The following COL21A1 variants were observed in gnomAD, a reference collection of about 807,000 sequenced individuals.
COL21A1 encodes collagen alpha-1(XXI) chain.
COL21A1 carries 149 observed loss-of-function variants against 137.9 expected under a neutral mutation model. That is an observed-to-expected ratio of 1.08 (90% CI 0.95 to 1.24). The LOEUF is 1.24. Ranked by LOEUF, COL21A1 falls within the 50% of genes most tolerant of loss-of-function variation. The pLI is 0.00. For synonymous variants in COL21A1, 456 were observed against 391.5 expected (o/e 1.16, Z -1.95); for missense variants, 1,167 against 1,158.4 (o/e 1.01, Z -0.11).
At chr6:56,157,435 C>T (rs1226242691) in intron 9 of COL21A1, among the ~76,000 whole-genome samples, 1 of 151,372 alleles carries the variant, frequency 6.6e-6, no homozygotes, top group Non-Finnish European at 1.5e-5. Context: ...CTCAGCCTCT[C>T]GAGTTGCTGG....
intron 16 of COL21A1, among the ~76,000 whole-genome samples, chr6:56,114,212 C>T (rs12194691): frequency 0.088 from 13,386 of 152,172 alleles, 648 homozygotes; most frequent in Middle Eastern, 0.13. Context: ...GGGCCTTGAA[C>T]GAACATAGGC....
Position 56,097,852 on chromosome 6 carries a change from T to TAA in COL21A1, c.1812+3619_1812+3620insTT, listed in dbSNP as rs1562188099. Among the ~76,000 whole-genome samples the TAA allele has an allele frequency of 2.0e-4, 20 of 100,582 alleles. 4 individuals carry two copies. The highest frequency in any genetic ancestry group is 3.4e-4 in the African/African-American group (8 of 23,444). 66.0% of individuals were successfully genotyped at this position (100,582 alleles called of 152,430 possible). On this transcript the variant is annotated intron_variant, in intron 17 of 29. Transcript: ENST00000244728. The stretch of plus-strand genomic sequence containing the variant: ...AAATATATATAAATATATAAATATA[T>TAA]ATAAATATATAAAAATATCTATAAA...
At chr6:56,286,674 T>G (rs1281522835) in intron 1 of COL21A1, among the ~76,000 whole-genome samples, 1 of 136,598 alleles carries the variant, frequency 7.3e-6, no homozygotes, top group East Asian at 2.0e-4. Flanking sequence ...TATTTTTGTC[T>G]TACTTACATT....
chr6:56,378,303 G>A (rs1239426864), intron 1 of COL21A1, among the ~76,000 whole-genome samples: 2 of 152,106 alleles, frequency 1.3e-5, no homozygotes, highest in African/African-American at 2.4e-5. Context: ...CTCAGCTCTT[G>A]GATGACATTT....
At chr6:56,256,098 G>C (rs921986312) in intron 1 of COL21A1, among the ~76,000 whole-genome samples, 2 of 152,152 alleles carry the variant, frequency 1.3e-5, no homozygotes, top group Admixed American at 6.5e-5. Flanking sequence ...TAGTTGAGAC[G>C]TTAGCCCATT....
intron 1 of COL21A1, among the ~76,000 whole-genome samples, chr6:56,255,865 G>A (rs755268355): frequency 6.6e-6 from 1 of 152,196 alleles, no homozygotes; most frequent in Admixed American, 6.5e-5. Context: ...CGCAGCCGCT[G>A]TCTGAGAGGA....
chr6:56,060,974 C>T lies in COL21A1; in HGVS notation c.2269G>A (p.Asp757Asn). Residue 757 changes from aspartate to asparagine, a missense_variant, in exon 26 of 30, where the codon GAT becomes AAT. Transcript: ENST00000244728. ...AIGSKGESGV[D>N]GLMGPAGPKG... is the part of the protein sequence containing the mutation. ...GGACCTGCGGGCCCCATCAAGCCATCCACCCCAGATTCTCCTTTTGATCCA... is the reference window on the plus strand; with the variant it reads ...GGACCTGCGGGCCCCATCAAGCCATTCACCCCAGATTCTCCTTTTGATCCA... 1.9e-6 allele frequency: 3 copies of T among 1,608,198 alleles called. No individual in the cohort carries two copies. Among genetic ancestry groups the T allele is most frequent in the Non-Finnish European group, 2.5e-6 (3 of 1,177,648 alleles).
chr6:56,363,790 C>T (rs1464935959), intron 1 of COL21A1, among the ~76,000 whole-genome samples: 1 of 152,056 alleles, frequency 6.6e-6, no homozygotes, highest in Non-Finnish European at 1.5e-5. Context: ...CCCCCCGACA[C>T]ATTCCCAAAC....
intron 1 of COL21A1, among the ~76,000 whole-genome samples, chr6:56,346,592 C>T (rs988733647): frequency 6.6e-6 from 1 of 152,276 alleles, no homozygotes; most frequent in Admixed American, 6.5e-5. Flanking sequence ...AGAAGCATAG[C>T]TTTCTTTATT....
chr6:56,091,703 C>T (rs1267920327), intron 17 of COL21A1: 1 of 152,358 alleles, frequency 6.6e-6, no homozygotes, highest in African/African-American at 2.4e-5. Flanking sequence ...CCAAATACAA[C>T]ATGCCATCAG....
chr6:56,225,659 A>G (rs995123332), intron 1 of COL21A1, among the ~76,000 whole-genome samples: 6 of 152,200 alleles, frequency 3.9e-5, no homozygotes, highest in African/African-American at 1.4e-4. Context: ...TGGCATAAAA[A>G]CAAAAGGATT....
intron 1 of COL21A1, among the ~76,000 whole-genome samples, chr6:56,255,237 G>C (rs906757772): frequency 3.3e-5 from 5 of 151,812 alleles, no homozygotes; most frequent in African/African-American, 1.2e-4. Flanking sequence ...CATAGGTAAT[G>C]GAATAAATGG....
chr6:56,207,556 C>T (rs1053019956), intron 1 of COL21A1, among the ~76,000 whole-genome samples: 1 of 152,058 alleles, frequency 6.6e-6, no homozygotes, highest in Non-Finnish European at 1.5e-5. Flanking sequence ...AGCCTACCAA[C>T]CAAAAAAGTC....
At chr6:56,295,119 T>A (rs111416992) in intron 1 of COL21A1, among the ~76,000 whole-genome samples, 4 of 152,110 alleles carry the variant, frequency 2.6e-5, no homozygotes, top group Non-Finnish European at 5.9e-5. Flanking sequence ...GGGTGCAAGG[T>A]CTGTGTTTGG....
At chr6:56,326,177 T>C (rs971488344) in intron 1 of COL21A1, among the ~76,000 whole-genome samples, 2 of 143,778 alleles carry the variant, frequency 1.4e-5, no homozygotes, top group Non-Finnish European at 3.1e-5. Context: ...TGTCTTTAAT[T>C]ATCAAAGTTC....
intron 1 of COL21A1, among the ~76,000 whole-genome samples, chr6:56,330,536 T>G (rs6924804): frequency 0.7 from 106,602 of 151,922 alleles, 37,740 homozygotes; most frequent in East Asian, 0.9. Flanking sequence ...GGATTTAGGG[T>G]TGCAAGGGCA....
intron 1 of COL21A1, among the ~76,000 whole-genome samples, chr6:56,267,047 G>A (rs180699907): frequency 6.6e-6 from 1 of 152,280 alleles, no homozygotes; most frequent in Non-Finnish European, 1.5e-5. Flanking sequence ...CTTCCACAGA[G>A]AAGTCTAGAT....
At chr6:56,170,232 C>T (rs1776925978) in intron 5 of COL21A1, among the ~76,000 whole-genome samples, 1 of 151,716 alleles carries the variant, frequency 6.6e-6, no homozygotes, top group Non-Finnish European at 1.5e-5. Context: ...TAGAACATGG[C>T]AGTGTAAAAC....
At chr6:56,179,505 G>T in intron 3 of COL21A1, 73 bp downstream of exon 3, 3 of 1,115,608 alleles carry the variant, frequency 2.7e-6, no homozygotes, top group South Asian at 1.7e-5. Context: ...TGTTAATGAA[G>T]AAATTATATC....
Sources: allele counts gnomAD v4.1 joint callset (sites outside exome capture counted in the v4.1 genomes callset), GRCh38; gene constraint gnomAD v4.1.1; transcripts MANE v1.5; gene names NCBI Gene and HGNC (gene_info 2026-07-23, HGNC 2026-07-21).